Variants in RPS6KB1 observed in about 807,000 individuals in gnomAD.
RPS6KB1 encodes the protein ribosomal protein S6 kinase beta-1.
A neutral mutation model predicts 70.2 loss-of-function variants in RPS6KB1; 12 were observed. That is an observed-to-expected ratio of 0.17 (90% CI 0.11 to 0.28). RPS6KB1 has a LOEUF of 0.28. RPS6KB1 is among the 10% of genes least tolerant of loss of function. The pLI is 1.00. For missense variants in RPS6KB1, 270 were observed against 646.6 expected, an observed-to-expected ratio of 0.42 and a Z score of 6.32; for synonymous variants, 175 against 211.2, an observed-to-expected ratio of 0.83 and a Z score of 1.49.
chr17:59,910,712 T>A, intron 2 of RPS6KB1, 101 bp downstream of exon 2: 1 of 745,012 alleles, frequency 1.3e-6, no homozygotes, highest in Non-Finnish European at 2.3e-6. Context: ...AACCTGTTCT[T>A]AAATATGTAG....
Position 59,914,755 on chromosome 17 carries a change from A to G in RPS6KB1, c.381+52A>G, listed in dbSNP as rs761589394. 19 of 1,274,202 alleles carry G rather than the reference A, an allele frequency of 1.5e-5. No individual in the cohort carries two copies. In the African/African-American group the frequency reaches 1.9e-4, roughly 13 times the overall value. The allele number at this position is 1,274,202 out of a possible 1,614,324, so 78.9% of individuals were successfully genotyped here. On this transcript the variant is annotated intron_variant, in intron 4 of 14. Transcript: ENST00000225577. ...CTCACACACCATATTTTTACACTTGATCTCAGCCAAAAGGCTGGGAAGCAA... is the reference window on the plus strand; with the variant it reads ...CTCACACACCATATTTTTACACTTGGTCTCAGCCAAAAGGCTGGGAAGCAA...
intron 3 of RPS6KB1, among the ~76,000 whole-genome samples, chr17:59,913,222 G>C (rs1004686519): frequency 1.3e-5 from 2 of 152,182 alleles, no homozygotes; most frequent in African/African-American, 4.8e-5. Context: ...AATTGGGGAA[G>C]CTGAAGGAAT....
Position 59,893,934 on chromosome 17 carries a change from T to C in RPS6KB1, c.141+609T>C, listed in dbSNP as rs2144626207. ...CTTCCAATCTTCCAGGGTTTGTTTGTTTGCTTTTTTTTTTTTACCCCCTTC... is the reference window on the plus strand; with the variant it reads ...CTTCCAATCTTCCAGGGTTTGTTTGCTTGCTTTTTTTTTTTTACCCCCTTC... On this transcript the variant is annotated intron_variant, in intron 1 of 14. Coordinates refer to ENST00000225577, the MANE Select transcript of RPS6KB1 (RefSeq NM_003161.4). This position sits in a 1 kb window ranked among gnomAD's most constrained non-coding sequence, Gnocchi z 4.1. 3.1e-6 allele frequency: 3 copies of C among 973,278 alleles called. No individual in the cohort carries two copies. The highest frequency in any genetic ancestry group is 3.6e-6 in the Non-Finnish European group (3 of 825,890). The allele number at this position is 973,278 out of a possible 1,614,324, so 60.3% of individuals were successfully genotyped here. A position where few individuals can be genotyped will look rare whatever the true frequency, so the allele number is the denominator to read the frequency against.
intron 7 of RPS6KB1, among the ~76,000 whole-genome samples, 158 bp downstream of exon 7, chr17:59,931,880 CTT>C (rs1342041258): frequency 6.6e-6 from 1 of 152,134 alleles, no homozygotes; most frequent in African/African-American, 2.4e-5. Context: ...TATTTTAAGT[CTT>C]TAGGTAATTA....
chr17:59,920,376 C>T (rs529525494), intron 4 of RPS6KB1, among the ~76,000 whole-genome samples: 1 of 152,254 alleles, frequency 6.6e-6, no homozygotes, highest in African/African-American at 2.4e-5. Context: ...ATCAAAGTGA[C>T]TTTTTAAAAA....
chr17:59,916,445 C>T (rs2042969957), intron 4 of RPS6KB1, among the ~76,000 whole-genome samples: 1 of 152,118 alleles, frequency 6.6e-6, no homozygotes, highest in Non-Finnish European at 1.5e-5. Flanking sequence ...TTCTTGTTTA[C>T]TTCACCCTCC....
At chr17:59,914,594 A>T in intron 3 of RPS6KB1, 41 bp from the exon 4 acceptor site, 1 of 1,436,328 alleles carries the variant, frequency 7.0e-7, no homozygotes, top group Non-Finnish European at 9.8e-7. Flanking sequence ...TATGCCTGAC[A>T]TAGTTTGCCT....
At chr17:59,939,346 A>C (rs1474137829) in intron 12 of RPS6KB1, among the ~76,000 whole-genome samples, 4 of 152,062 alleles carry the variant, frequency 2.6e-5, no homozygotes. Flanking sequence ...CAGTGGTATA[A>C]TCTCTGTCTA....
chr17:59,920,834 G>C (rs2043221074), intron 4 of RPS6KB1, among the ~76,000 whole-genome samples: 1 of 152,172 alleles, frequency 6.6e-6, no homozygotes, highest in African/African-American at 2.4e-5. Context: ...AAATAGCTGG[G>C]ACTACAGGTG....
At chr17:59,911,056 G>T (rs1484287303) in intron 2 of RPS6KB1, among the ~76,000 whole-genome samples, 1 of 152,224 alleles carries the variant, frequency 6.6e-6, no homozygotes, top group African/African-American at 2.4e-5. Flanking sequence ...GCCAAGGTGG[G>T]CGGGTCATTT....
In RPS6KB1 at chr17:59,932,443, G is replaced by A. The variant is rs538177605; in HGVS notation, c.688+721G>A. Among the ~76,000 whole-genome samples the A allele has an allele frequency of 2.6e-5, 4 of 151,958 alleles. No individual in the cohort carries two copies. In the South Asian group the frequency reaches 8.3e-4, roughly 32 times the overall value. On this transcript the variant is annotated intron_variant, in intron 7 of 14. Coordinates refer to ENST00000225577, the MANE Select transcript of RPS6KB1 (RefSeq NM_003161.4). ...AAAAGAAAATATGTGAATATTAGAA[G>A]CTATGCTTCTTACAGTAGGTTTTAT...
Position 59,947,084 on chromosome 17 carries a change from T to C in RPS6KB1, c.*296T>C. 8.1e-7 allele frequency: 1 copy of C among 1,232,944 alleles called. No individual in the cohort carries two copies. The highest frequency in any genetic ancestry group is 1.5e-5 in the African/African-American group (1 of 65,608). 76.4% of individuals were successfully genotyped at this position (1,232,944 alleles called of 1,614,324 possible). A position where few individuals can be genotyped will look rare whatever the true frequency, so the allele number is the denominator to read the frequency against. On this transcript the variant is annotated 3_prime_UTR_variant, in exon 15 of 15. Transcript: ENST00000225577. ...TGTTGATGACTCGAAACTGACAGTA[T>C]TAAGGGTAGGATGTTGCTTCTGAAT...
chr17:59,939,103 GATGT>G (rs2044427418), intron 12 of RPS6KB1, among the ~76,000 whole-genome samples: 1 of 152,030 alleles, frequency 6.6e-6, no homozygotes, highest in Non-Finnish European at 1.5e-5. Context: ...GTAAAGGCAG[GATGT>G]ATGTTTGATT....
intron 1 of RPS6KB1, among the ~76,000 whole-genome samples, chr17:59,903,053 T>C (rs1372930547): frequency 6.6e-6 from 1 of 151,834 alleles, no homozygotes; most frequent in Non-Finnish European, 1.5e-5. Flanking sequence ...GTGGCCTGTA[T>C]TCCCAGCACT....
intron 1 of RPS6KB1, among the ~76,000 whole-genome samples, chr17:59,897,518 C>T (rs1376823031): frequency 1.3e-5 from 2 of 151,832 alleles, no homozygotes; most frequent in Non-Finnish European, 2.9e-5. Flanking sequence ...TAATTGATCC[C>T]GTTTAGAGAG....
chr17:59,909,426 C>T (rs1474284345), intron 1 of RPS6KB1, among the ~76,000 whole-genome samples: 1 of 150,816 alleles, frequency 6.6e-6, no homozygotes, highest in East Asian at 2.0e-4. Context: ...CGACACCGCA[C>T]CCGTCTAATT....
At chr17:59,900,506 C>A (rs1256706776) in intron 1 of RPS6KB1, among the ~76,000 whole-genome samples, 1 of 151,964 alleles carries the variant, frequency 6.6e-6, no homozygotes, top group African/African-American at 2.4e-5. Context: ...GCTAGGATTA[C>A]AAGTGCCCGC....
Position 59,947,689 on chromosome 17 carries a change from A to G in RPS6KB1, c.*901A>G. On this transcript the variant is annotated 3_prime_UTR_variant, in exon 15 of 15. Transcript: ENST00000225577. ...GGCCTGCATTGCACTGGAAAAAAAA[A>G]TCGCCACCTGTTCTTACACCAGTAT... is the stretch of plus-strand genomic sequence containing the variant. 5.1e-6 allele frequency: 4 copies of G among 782,740 alleles called. No individual in the cohort carries two copies. In the East Asian group the frequency reaches 1.1e-4, roughly 21 times the overall value. The allele number at this position is 782,740 out of a possible 1,614,324, so 48.5% of individuals were successfully genotyped here. A position where few individuals can be genotyped will look rare whatever the true frequency, so the allele number is the denominator to read the frequency against.
chr17:59,939,316 CTG>C (rs751494523), intron 12 of RPS6KB1, among the ~76,000 whole-genome samples: 1 of 152,070 alleles, frequency 6.6e-6, no homozygotes, highest in Non-Finnish European at 1.5e-5. Flanking sequence ...GGGTCTTACT[CTG>C]TCACCCAAGC....
Sources: gnomAD v4.1 joint callset for allele counts (sites outside exome capture counted in the v4.1 genomes callset) on GRCh38, gnomAD v4.1.1 for gene constraint, Gnocchi (gnomAD v3.1) non-coding constraint, MANE v1.5 for transcripts, NCBI Gene and HGNC (gene_info 2026-07-23, HGNC 2026-07-21) for gene names.